SLC25A48: variants seen among roughly 807,000 people sequenced by gnomAD.
The protein encoded by SLC25A48 is solute carrier family 25 member 48.
A neutral mutation model predicts 32.2 loss-of-function variants in SLC25A48; 29 were observed. The observed-to-expected ratio is 0.90, with a 90% CI of 0.67 to 1.23. The LOEUF is 1.23. SLC25A48 is among the 50% of genes most tolerant of loss of function. The probability of loss-of-function intolerance (pLI) is 0.00; values close to 1 mark genes in which losing one functional copy is unlikely to be tolerated. For missense variants in SLC25A48, 399 were observed against 422.7 expected, an observed-to-expected ratio of 0.94 and a Z score of 0.49; for synonymous variants, 164 against 172.3, an observed-to-expected ratio of 0.95 and a Z score of 0.38.
chr5:135,866,400 T>C (rs867150640), intron 4 of SLC25A48, among the ~76,000 whole-genome samples: 1 of 152,126 alleles, frequency 6.6e-6, no homozygotes, highest in Non-Finnish European at 1.5e-5. Flanking sequence ...AAATGGAACA[T>C]CTTTGTGTTT....
intron 5 of SLC25A48, 127 bp downstream of exon 5, chr5:135,871,845 C>G (rs1431006052): frequency 2.9e-5 from 45 of 1,534,798 alleles, no homozygotes; most frequent in Non-Finnish European, 3.7e-5. Context: ...CCCAACAATT[C>G]TTTGTTAGGT....
intron 3 of SLC25A48, among the ~76,000 whole-genome samples, chr5:135,727,795 T>G (rs1426202687): frequency 1.3e-5 from 2 of 152,228 alleles, no homozygotes; most frequent in Non-Finnish European, 2.9e-5. Flanking sequence ...TTGATTGCTG[T>G]AGCTATAAAA....
intron 1 of SLC25A48, among the ~76,000 whole-genome samples, chr5:135,627,274 A>G (rs1246213007): frequency 1.3e-5 from 2 of 152,096 alleles, no homozygotes; most frequent in East Asian, 3.9e-4. Flanking sequence ...GGTGGGAGGA[A>G]GGAAGAAGCA....
intron 3 of SLC25A48, among the ~76,000 whole-genome samples, chr5:135,668,628 C>T (rs1209394450): frequency 6.6e-6 from 1 of 152,156 alleles, no homozygotes. Context: ...TAGTGTGAGA[C>T]AAACAAATGT....
intron 1 of SLC25A48, among the ~76,000 whole-genome samples, chr5:135,607,867 A>G (rs1751975814): frequency 6.6e-6 from 1 of 152,160 alleles, no homozygotes; most frequent in African/African-American, 2.4e-5. Context: ...GGCTGACATC[A>G]GGAGATTTGA....
At chr5:135,775,892 T>C (rs753087595) in intron 3 of SLC25A48, among the ~76,000 whole-genome samples, 4 of 151,490 alleles carry the variant, frequency 2.6e-5, no homozygotes, top group Admixed American at 6.6e-5. Context: ...GGGGAGATGA[T>C]GGTATTACGA....
chr5:135,654,149 C>T (rs116200769), intron 3 of SLC25A48, among the ~76,000 whole-genome samples: 2,962 of 152,220 alleles, frequency 0.019, 43 homozygotes, highest in Middle Eastern at 0.027. Context: ...ATTGTGAGTA[C>T]GGGTTACTAG....
chr5:135,606,023 A>G (rs1482957421), intron 1 of SLC25A48, among the ~76,000 whole-genome samples: 1 of 152,142 alleles, frequency 6.6e-6, no homozygotes, highest in Admixed American at 6.5e-5. Flanking sequence ...GGACTGGGAG[A>G]ACAATTTCAG....
chr5:135,714,527 G>A lies in SLC25A48; in HGVS notation c.-521+79571G>A, dbSNP rs1339966365. Among the ~76,000 whole-genome samples the A allele has an allele frequency of 6.6e-5, 10 of 152,322 alleles. No individual in the cohort carries two copies. The South Asian group carries it at 2.1e-3, about 32-fold the overall frequency. ...AAGCCAACAGCAGTGAGGCTGCTCA[G>A]GGCATGTGCAGTTTGGTGGGTATGG... On this transcript the variant is annotated intron_variant, in intron 3 of 10. Coordinates refer to the SLC25A48 transcript ENST00000646290.
chr5:135,871,581 C>G lies in SLC25A48; in HGVS notation c.542C>G (p.Ala181Gly). The G allele has an allele frequency of 6.2e-7, 1 of 1,614,186 alleles. No individual in the cohort carries two copies. The highest frequency in any genetic ancestry group is 8.5e-7 in the Non-Finnish European group (1 of 1,180,016). ...NEGLAGLYRGASAMLLRDVPG... is the reference protein window; with the variant it reads ...NEGLAGLYRGGSAMLLRDVPG... ...GGCCTGGCGGGGCTATACCGGGGGG[C>G]CAGTGCCATGCTGCTGAGGGATGTC... The change falls in exon 5 of 8, where the codon GCC becomes GGC. Residue 181 changes from alanine (A) to glycine (G), a missense_variant. Physicochemically the swap from Ala to Gly is moderately conservative, Grantham distance 60 (BLOSUM62 0). Transcript: ENST00000681962.
chr5:135,746,485 C>T (rs1755644187), intron 3 of SLC25A48: 3 of 232,500 alleles, frequency 1.3e-5, no homozygotes, highest in Non-Finnish European at 8.4e-6. Context: ...TTGTGGTCAC[C>T]GGAACTGCTG....
rs1344220307 is a variant in SLC25A48 at position 135,611,554 on chromosome 5, A to G, written c.-848-17683A>G. 1.3e-4 allele frequency among the ~76,000 whole-genome samples: 19 copies of G among 143,218 alleles called. No homozygotes were observed. The East Asian group carries it at 3.1e-3, about 24-fold the overall frequency. 94.0% of individuals were successfully genotyped at this position (143,218 alleles called of 152,430 possible). Reference sequence around the variant, plus strand: ...AAAAAGAAAAGAAAAGAAAAAAAAGAAAAAAAAATAAGCTGGGTATGGTGG... The same window carrying G: ...AAAAAGAAAAGAAAAGAAAAAAAAGGAAAAAAAATAAGCTGGGTATGGTGG... On this transcript the variant is annotated intron_variant, in intron 1 of 10. Coordinates refer to the SLC25A48 transcript ENST00000646290.
At chr5:135,588,487 G>A (rs1473655894) in intron 1 of SLC25A48, among the ~76,000 whole-genome samples, 18 of 152,240 alleles carry the variant, frequency 1.2e-4, no homozygotes, top group Non-Finnish European at 1.6e-4. Context: ...GCGGGCCAGA[G>A]GCTCGGCAGG....
chr5:135,839,452 G>T (rs1758814201), intron 1 of SLC25A48, among the ~76,000 whole-genome samples: 1 of 152,108 alleles, frequency 6.6e-6, no homozygotes, highest in African/African-American at 2.4e-5. Flanking sequence ...TTTACCCAAT[G>T]CTCGTACCCC....
intron 3 of SLC25A48, among the ~76,000 whole-genome samples, chr5:135,767,804 A>T (rs936020590): frequency 6.6e-6 from 1 of 151,500 alleles, no homozygotes; most frequent in Non-Finnish European, 1.5e-5. Flanking sequence ...TATTGTTCAT[A>T]ATATCCACAG....
intron 3 of SLC25A48, among the ~76,000 whole-genome samples, chr5:135,667,409 A>G (rs886296390): frequency 6.6e-6 from 1 of 152,212 alleles, no homozygotes; most frequent in Non-Finnish European, 1.5e-5. Flanking sequence ...CATCCTGGAA[A>G]ACAAATGAAT....
intron 3 of SLC25A48, chr5:135,648,708 T>C (rs973860151): frequency 6.6e-6 from 1 of 152,246 alleles, no homozygotes. Flanking sequence ...GAAAGTTTAC[T>C]TGAAATCCAT....
At chr5:135,842,936 T>C (rs1759126580) in intron 2 of SLC25A48, among the ~76,000 whole-genome samples, 1 of 152,228 alleles carries the variant, frequency 6.6e-6, no homozygotes, top group African/African-American at 2.4e-5. Context: ...AGCCATAAAT[T>C]GTGCCTCCTC....
intron 3 of SLC25A48, among the ~76,000 whole-genome samples, chr5:135,736,760 CTG>C (rs1330198983): frequency 6.6e-6 from 1 of 152,152 alleles, no homozygotes; most frequent in Non-Finnish European, 1.5e-5. Context: ...CTTCCCAAGT[CTG>C]TGACCGGTGC....
Sources: gnomAD v4.1 joint callset for allele counts (sites outside exome capture counted in the v4.1 genomes callset) on GRCh38, gnomAD v4.1.1 for gene constraint, MANE v1.5 for transcripts, NCBI Gene and HGNC (gene_info 2026-07-23, HGNC 2026-07-21) for gene names.